Variants in PREPL observed in about 807,000 individuals in gnomAD.
PREPL encodes the protein prolyl endopeptidase-like.
Under a neutral mutation model 70.6 loss-of-function variants are expected in PREPL, and 77 were observed. That is an observed-to-expected ratio of 1.09 (90% CI 0.91 to 1.32). The LOEUF (loss-of-function observed/expected upper bound fraction) is 1.32. Among genes scored for constraint, PREPL ranks in the 40% most tolerant of loss-of-function variants. The pLI is 0.00. For missense variants in PREPL, 1,002 were observed against 778.2 expected (o/e 1.29, Z -3.42); for synonymous variants, 315 against 264.8 (o/e 1.19, Z -1.84).
intron 1 of PREPL, among the ~76,000 whole-genome samples, chr2:44,347,598 T>C (rs920034040): frequency 6.6e-6 from 1 of 152,216 alleles, no homozygotes; most frequent in Non-Finnish European, 1.5e-5. Context: ...AAGCAAAACC[T>C]GTTATCAAAT....
At chr2:44,326,589 T>C (rs910419289) in intron 10 of PREPL, 123 bp downstream of exon 10, 5 of 999,612 alleles carry the variant, frequency 5.0e-6, no homozygotes, top group Non-Finnish European at 4.5e-6. Context: ...CCCACCTCAG[T>C]TTCCCGAAGT....
chr2:44,338,402 G>C lies in PREPL; in HGVS notation c.837C>G (p.Leu279=). 1 of 1,613,498 alleles carries C rather than the reference G, an allele frequency of 6.2e-7. No individual in the cohort carries two copies. Among genetic ancestry groups the C allele is most frequent in the Non-Finnish European group, 8.5e-7 (1 of 1,179,846 alleles). Residue 279 remains leucine, a synonymous_variant, in exon 7 of 14, where the codon CTC becomes CTG. Coordinates refer to ENST00000409411, the MANE Select transcript of PREPL (RefSeq NM_001171613.2). ...HCVLFLKHSN[L]LYVNVIGLAD... ...CCAGACCAATCACATTAACATAAAG[G>C]AGATTGCTGTGCTTCAGAAATAGAA... is the stretch of plus-strand genomic sequence containing the variant.
At chr2:44,331,108 A>G (rs1356732403) in intron 8 of PREPL, among the ~76,000 whole-genome samples, 1 of 152,000 alleles carries the variant, frequency 6.6e-6, no homozygotes, top group East Asian at 1.9e-4. Context: ...ATGCCTGGCT[A>G]ATATTTTTGG....
At position 44,320,756 on chromosome 2, in the gene PREPL, A is replaced by G; in HGVS notation, c.*600T>C. 4.7e-6 allele frequency: 4 copies of G among 855,810 alleles called. No individual in the cohort carries two copies. Among genetic ancestry groups the G allele is most frequent in the Non-Finnish European group, 7.7e-6 (4 of 516,504 alleles). The allele number at this position is 855,810 out of a possible 1,614,324, so 53.0% of individuals were successfully genotyped here. A position where few individuals can be genotyped will look rare whatever the true frequency, so the allele number is the denominator to read the frequency against. On this transcript the variant is annotated 3_prime_UTR_variant, in exon 14 of 14. Coordinates refer to ENST00000409411, the MANE Select transcript of PREPL (RefSeq NM_001171613.2). Reference sequence around the variant, plus strand: ...ATCATTAATTCTTCGATATTTCTGTAGCTTGAATGTAACTGCTTTAAGAAA... The same window carrying G: ...ATCATTAATTCTTCGATATTTCTGTGGCTTGAATGTAACTGCTTTAAGAAA...
At position 44,317,715 on chromosome 2, in the gene PREPL, AAAG is replaced by A. The variant is rs1311463433; in HGVS notation, c.*3638_*3640del. 17 of 152,588 alleles carry A rather than the reference AAAG, an allele frequency of 1.1e-4. No homozygotes were observed. Among genetic ancestry groups the A allele is most frequent in the African/African-American group, 2.6e-4 (11 of 41,588 alleles). 9.5% of individuals were successfully genotyped at this position (152,588 alleles called of 1,614,324 possible). On this transcript the variant is annotated 3_prime_UTR_variant, in exon 14 of 14. Coordinates refer to ENST00000409411, the MANE Select transcript of PREPL (RefSeq NM_001171613.2). Reference sequence around the variant, plus strand: ...AAAATATAACAATTTTCAAATTTTCAAAGAATACTAGAAGAAAAAAATTATACA... The same window carrying A: ...AAAATATAACAATTTTCAAATTTTCAAATACTAGAAGAAAAAAATTATACA...
At chr2:44,345,258 A>G (rs1287698012) in intron 2 of PREPL, among the ~76,000 whole-genome samples, 1 of 152,022 alleles carries the variant, frequency 6.6e-6, no homozygotes, top group Middle Eastern at 3.2e-3. Flanking sequence ...GAATCTGGAG[A>G]TCCTTATTCT....
intron 7 of PREPL, among the ~76,000 whole-genome samples, chr2:44,336,723 T>G (rs1674681992): frequency 6.6e-6 from 1 of 152,070 alleles, no homozygotes; most frequent in Non-Finnish European, 1.5e-5. Context: ...AATATTAAAA[T>G]TTTTAAAATT....
In PREPL at chr2:44,326,912, C is replaced by G; in HGVS notation, c.1279G>C (p.Gly427Arg). The stretch of plus-strand genomic sequence containing the variant: ...CGGCCATCAGCGTGCCACTGGAGGC[C>G]TAACTCACCACCACCTCTGAAATTG... ...YCHVRGGGEL[G>R]LQWHADGRLT... Residue 427 changes from glycine (G) to arginine (R), a missense_variant, in exon 10 of 14, where the codon GGC (glycine) becomes CGC (arginine). Gly to Arg is a moderately radical substitution (Grantham distance 125). Coordinates refer to ENST00000409411, the MANE Select transcript of PREPL (RefSeq NM_001171613.2). The G allele has an allele frequency of 8.7e-6, 14 of 1,614,064 alleles. No homozygotes were observed. Among genetic ancestry groups the G allele is most frequent in the Non-Finnish European group, 1.2e-5 (14 of 1,179,996 alleles).
chr2:44,353,262 G>C lies in PREPL; in HGVS notation c.-48-6872C>G, dbSNP rs113584712. 1.7e-3 allele frequency among the ~76,000 whole-genome samples: 260 copies of C among 151,564 alleles called. No individual in the cohort carries two copies. The Middle Eastern group carries it at 0.028, about 16-fold the overall frequency. ...TGGCTTTAGTTTCTTCATTTGTTTA[G>C]AAAGAATACACACGCTTCCTGATTT... On this transcript the variant is annotated intron_variant, in intron 1 of 13. Coordinates refer to ENST00000409411, the MANE Select transcript of PREPL (RefSeq NM_001171613.2).
chr2:44,353,402 T>C (rs1304977672), intron 1 of PREPL, among the ~76,000 whole-genome samples: 3 of 151,826 alleles, frequency 2.0e-5, no homozygotes, highest in African/African-American at 7.3e-5. Context: ...CTGGCCAACA[T>C]GGTGAAACCC....
In PREPL at chr2:44,318,164, C is replaced by T. The variant is rs372789704; in HGVS notation, c.*3192G>A. On this transcript the variant is annotated 3_prime_UTR_variant, in exon 14 of 14. Coordinates refer to ENST00000409411, the MANE Select transcript of PREPL (RefSeq NM_001171613.2). ...CGAGTGCAGTGGCGTGATCTCGGCA[C>T]ACTGCAGCCTCTGCTTCCTGGGTTC... 1 of 435,252 alleles carries T rather than the reference C, an allele frequency of 2.3e-6. No individual in the cohort carries two copies. The highest frequency in any genetic ancestry group is 4.6e-6 in the Non-Finnish European group (1 of 217,446). 27.0% of individuals were successfully genotyped at this position (435,252 alleles called of 1,614,324 possible).
rs546140925 is a variant in PREPL at position 44,339,882 on chromosome 2, C to T, written c.486-519G>A. ...CTGCATGCATTTTGGATTTTTTTTT[C>T]CTTTCTCCCAGTTTTTACAACAAAA... On this transcript the variant is annotated intron_variant, in intron 5 of 13. Coordinates refer to ENST00000409411, the MANE Select transcript of PREPL (RefSeq NM_001171613.2). 1.1e-3 allele frequency among the ~76,000 whole-genome samples: 162 copies of T among 151,152 alleles called. 1 individual carries two copies. The highest frequency in any genetic ancestry group is 3.9e-3 in the African/African-American group (161 of 41,270).
Position 44,339,107 on chromosome 2 carries a change from C to T in PREPL, c.702+40G>A, listed in dbSNP as rs952002289. ...TGTTGTTGATCGAAGTGTGACACTT[C>T]TTAACAGCCCAAATAGGAACAACGA... On this transcript the variant is annotated intron_variant, in intron 6 of 13. Transcript: ENST00000409411. The T allele has an allele frequency of 2.5e-6, 4 of 1,608,206 alleles. No individual in the cohort carries two copies. The Admixed American group carries it at 6.7e-5, about 27-fold the overall frequency.
At chr2:44,329,553 C>T (rs1285483141) in intron 8 of PREPL, among the ~76,000 whole-genome samples, 1 of 152,070 alleles carries the variant, frequency 6.6e-6, no homozygotes, top group Non-Finnish European at 1.5e-5. Flanking sequence ...TAAAGTCTTA[C>T]CAGCTCAATT....
chr2:44,359,638 C>G (rs755073772), intron 1 of PREPL: 2 of 1,612,738 alleles, frequency 1.2e-6, no homozygotes, highest in Non-Finnish European at 1.7e-6. Flanking sequence ...GATTCAAATG[C>G]TGTTTCTGCA....
intron 7 of PREPL, 115 bp downstream of exon 7, chr2:44,338,236 A>G (rs921871239): frequency 1.0e-6 from 1 of 994,156 alleles, no homozygotes; most frequent in Non-Finnish European, 1.5e-6. Flanking sequence ...CATTTAAGTT[A>G]CATTCCTTTC....
chr2:44,322,050 G>A, intron 12 of PREPL, 150 bp from the exon 13 acceptor site: 1 of 758,736 alleles, frequency 1.3e-6, no homozygotes, highest in South Asian at 2.0e-5. Flanking sequence ...ACAAAAAGAT[G>A]GGAGGGGACA....
chr2:44,320,377 T>C lies in PREPL; in HGVS notation c.*979A>G, dbSNP rs146963107. The C allele has an allele frequency of 5.9e-5, 95 of 1,613,998 alleles. No individual in the cohort carries two copies. Among genetic ancestry groups the C allele is most frequent in the Non-Finnish European group, 8.0e-5 (94 of 1,179,984 alleles). ...AGAATCTTTATCGTGGTTCTGAATT[T>C]TGGAGAATCAACACTGTTAAATCTA... On this transcript the variant is annotated 3_prime_UTR_variant, in exon 14 of 14. Transcript: ENST00000409411.
intron 8 of PREPL, among the ~76,000 whole-genome samples, chr2:44,331,951 T>C (rs980851231): frequency 6.7e-6 from 1 of 149,508 alleles, no homozygotes; most frequent in Non-Finnish European, 1.5e-5. Context: ...ATTTTCTTTT[T>C]TTTTTTTTTT....
Sources: gnomAD v4.1 joint callset for allele counts (sites outside exome capture counted in the v4.1 genomes callset) on GRCh38, gnomAD v4.1.1 for gene constraint, MANE v1.5 for transcripts, NCBI Gene and HGNC (gene_info 2026-07-23, HGNC 2026-07-21) for gene names.